CCDC85A: variants seen among roughly 807,000 people sequenced by gnomAD.
The protein encoded by CCDC85A is coiled-coil domain containing 85A.
In CCDC85A, 38 loss-of-function variants were observed where a neutral mutation model predicts 50.2. That is an observed-to-expected ratio of 0.76 (90% confidence interval 0.58 to 0.99). The LOEUF (loss-of-function observed/expected upper bound fraction) is 0.99, where lower values mean the gene tolerates loss of function less well. Ranked by LOEUF, CCDC85A falls within the 50% of genes least tolerant of loss-of-function variation. The probability of loss-of-function intolerance (pLI) is 0.00; values close to 1 mark genes in which losing one functional copy is unlikely to be tolerated. For missense variants in CCDC85A, 820 were observed against 742.0 expected, an observed-to-expected ratio of 1.11 and a Z score of -1.22; for synonymous variants, 366 against 301.4, an observed-to-expected ratio of 1.21 and a Z score of -2.22.
At chr2:56,242,259 T>G (rs1347681265) in intron 2 of CCDC85A, among the ~76,000 whole-genome samples, 1 of 152,146 alleles carries the variant, frequency 6.6e-6, no homozygotes, top group African/African-American at 2.4e-5. Context: ...TATTAGGCCA[T>G]TCTTGCATTG....
chr2:56,311,507 G>A (rs1412316780), intron 2 of CCDC85A, among the ~76,000 whole-genome samples: 2 of 151,126 alleles, frequency 1.3e-5, no homozygotes, highest in African/African-American at 2.4e-5. Flanking sequence ...TAGGGTACAT[G>A]TGCACAATGT....
At position 56,184,248 on chromosome 2, in the gene CCDC85A, G is replaced by T; in HGVS notation, c.-377G>T. ...GTGCAGGGCAGAGAGTGCGGGGGGCGACAGTCTCGGCTTAGGGCGGAGGAG... is the reference window on the plus strand; with the variant it reads ...GTGCAGGGCAGAGAGTGCGGGGGGCTACAGTCTCGGCTTAGGGCGGAGGAG... On this transcript the variant is annotated 5_prime_UTR_variant, in exon 1 of 6. Coordinates refer to ENST00000407595, the MANE Select transcript of CCDC85A (RefSeq NM_001080433.2). 2.1e-6 allele frequency: 2 copies of T among 943,210 alleles called. No individual in the cohort carries two copies. The highest frequency in any genetic ancestry group is 5.0e-5 in the South Asian group (1 of 20,172). 58.4% of individuals were successfully genotyped at this position (943,210 alleles called of 1,614,324 possible).
At chr2:56,289,543 G>A (rs1157694064) in intron 2 of CCDC85A, among the ~76,000 whole-genome samples, 1 of 152,130 alleles carries the variant, frequency 6.6e-6, no homozygotes, top group Non-Finnish European at 1.5e-5. Context: ...GCACACTTGG[G>A]AGTCTATGTA....
chr2:56,282,907 A>G (rs549829169), intron 2 of CCDC85A, among the ~76,000 whole-genome samples: 54 of 152,314 alleles, frequency 3.5e-4, no homozygotes, highest in East Asian at 1.9e-4. Context: ...ATTCATTCCT[A>G]ATGACTTAAT....
chr2:56,325,292 G>T (rs1395420346), intron 2 of CCDC85A, among the ~76,000 whole-genome samples: 1 of 152,024 alleles, frequency 6.6e-6, no homozygotes, highest in East Asian at 1.9e-4. Context: ...ACCATCATTT[G>T]AAGATAATAG....
chr2:56,228,994 G>A (rs1668666051), intron 2 of CCDC85A, among the ~76,000 whole-genome samples: 1 of 152,134 alleles, frequency 6.6e-6, no homozygotes, highest in Non-Finnish European at 1.5e-5. Flanking sequence ...TGAAATACAG[G>A]AACTGGATAC....
chr2:56,275,137 G>C (rs1049058658), intron 2 of CCDC85A, among the ~76,000 whole-genome samples: 2 of 151,960 alleles, frequency 1.3e-5, no homozygotes, highest in African/African-American at 2.4e-5. Flanking sequence ...GGTCGGGGGG[G>C]AATTATTCAG....
chr2:56,373,478 T>C (rs1676183302), intron 4 of CCDC85A, among the ~76,000 whole-genome samples: 3 of 152,208 alleles, frequency 2.0e-5, no homozygotes, highest in Admixed American at 2.0e-4. Context: ...GGTTTAAGGA[T>C]GTTGTTTACA....
intron 3 of CCDC85A, among the ~76,000 whole-genome samples, chr2:56,350,081 T>G (rs1454149875): frequency 6.6e-6 from 1 of 150,570 alleles, no homozygotes; most frequent in African/African-American, 2.4e-5. Context: ...TGTTCTTCTT[T>G]TGCTTAAAAA....
chr2:56,341,035 G>A (rs1476695386), intron 2 of CCDC85A, among the ~76,000 whole-genome samples: 1 of 152,132 alleles, frequency 6.6e-6, no homozygotes, highest in African/African-American at 2.4e-5. Flanking sequence ...GGGGTTTCAT[G>A]TCCCTTCTAC....
intron 2 of CCDC85A, among the ~76,000 whole-genome samples, chr2:56,329,943 C>CTTTTTTTTTTTTTTTTTT (rs1336192523): frequency 8.7e-5 from 2 of 22,870 alleles, no homozygotes; most frequent in Non-Finnish European, 1.9e-4. Context: ...TACAGATTTC[C>CTTTTTTTTTTTTTTTTTT]TGTTTTTTTT....
intron 4 of CCDC85A, among the ~76,000 whole-genome samples, chr2:56,372,947 G>T (rs1161514772): frequency 6.6e-6 from 1 of 152,090 alleles, no homozygotes; most frequent in Non-Finnish European, 1.5e-5. Context: ...TCCCTGTTTG[G>T]CTCAGTAGCA....
At chr2:56,323,077 A>AG (rs1180233135) in intron 2 of CCDC85A, among the ~76,000 whole-genome samples, 1 of 152,128 alleles carries the variant, frequency 6.6e-6, no homozygotes, top group East Asian at 1.9e-4. Context: ...TCTCACTCAT[A>AG]GGTGGGAATC....
chr2:56,364,941 CA>C (rs1553418173), intron 3 of CCDC85A, among the ~76,000 whole-genome samples: 1 of 152,172 alleles, frequency 6.6e-6, no homozygotes, highest in Non-Finnish European at 1.5e-5. Context: ...ACACTATTAC[CA>C]GATCAATCTG....
chr2:56,324,749 TA>T (rs1673381047), intron 2 of CCDC85A, among the ~76,000 whole-genome samples: 2 of 152,076 alleles, frequency 1.3e-5, no homozygotes, highest in South Asian at 4.1e-4. Flanking sequence ...TTTACAGAGA[TA>T]TTTTTAACTC....
At chr2:56,349,048 C>T (rs565743264) in intron 3 of CCDC85A, among the ~76,000 whole-genome samples, 2 of 152,244 alleles carry the variant, frequency 1.3e-5, no homozygotes, top group East Asian at 3.9e-4. Flanking sequence ...CTGTTATTTG[C>T]ATAGAAATTA....
At chr2:56,363,257 G>A (rs934049793) in intron 3 of CCDC85A, among the ~76,000 whole-genome samples, 1 of 152,080 alleles carries the variant, frequency 6.6e-6, no homozygotes, top group Non-Finnish European at 1.5e-5. Flanking sequence ...GCTGATGGTG[G>A]ATTTCATTTT....
At chr2:56,318,276 A>T (rs1673009453) in intron 2 of CCDC85A, among the ~76,000 whole-genome samples, 1 of 151,968 alleles carries the variant, frequency 6.6e-6, no homozygotes, top group Admixed American at 6.6e-5. Context: ...CTTGTTTCAT[A>T]GGCTAGACCC....
intron 3 of CCDC85A, among the ~76,000 whole-genome samples, chr2:56,347,297 A>G (rs6706818): frequency 0.43 from 64,767 of 151,970 alleles, 15,625 homozygotes; most frequent in African/African-American, 0.67. Flanking sequence ...GGCTTCATAA[A>G]ATGTAGGCCT....
Sources: gnomAD v4.1 joint callset for allele counts (sites outside exome capture counted in the v4.1 genomes callset) on GRCh38, gnomAD v4.1.1 for gene constraint, MANE v1.5 for transcripts, NCBI Gene and HGNC (gene_info 2026-07-23, HGNC 2026-07-21) for gene names.